RAPGEF6: variants seen among roughly 807,000 people sequenced by gnomAD.
The protein encoded by RAPGEF6 is PDZ domain containing guanine nucleotide exchange factor (GEF) 2.
In RAPGEF6, 56 loss-of-function variants were observed where a neutral mutation model predicts 171.4. That is an observed-to-expected ratio of 0.33 (90% CI 0.26 to 0.41). The LOEUF (loss-of-function observed/expected upper bound fraction) is 0.41, where lower values mean the gene tolerates loss of function less well. Among genes scored for constraint, RAPGEF6 ranks in the 10% least tolerant of loss-of-function variants. The pLI, the probability that RAPGEF6 is intolerant of heterozygous loss-of-function variation, is 1.00. For synonymous variants in RAPGEF6, 692 were observed against 650.1 expected, an observed-to-expected ratio of 1.06 and a Z score of -0.98; for missense variants, 1,674 against 1,921.4, an observed-to-expected ratio of 0.87 and a Z score of 2.41.
chr5:131,633,321 G>A (rs539011058), intron 1 of RAPGEF6, among the ~76,000 whole-genome samples: 73 of 150,968 alleles, frequency 4.8e-4, no homozygotes, highest in African/African-American at 1.7e-3. Context: ...GGCTATAGAG[G>A]GAGACTTTGT....
intron 27 of RAPGEF6, among the ~76,000 whole-genome samples, chr5:131,428,432 A>C (rs904123651): frequency 6.6e-6 from 1 of 151,788 alleles, no homozygotes; most frequent in African/African-American, 2.4e-5. Flanking sequence ...AAACAAAACC[A>C]AAACACTCCC....
At chr5:131,542,333 G>C (rs979406884) in intron 6 of RAPGEF6, among the ~76,000 whole-genome samples, 1 of 152,076 alleles carries the variant, frequency 6.6e-6, no homozygotes, top group Non-Finnish European at 1.5e-5. Context: ...ATTTTTCAGA[G>C]CACCAGACAC....
intron 11 of RAPGEF6, among the ~76,000 whole-genome samples, chr5:131,501,728 TAACAAGAGGC>T (rs1449290376): frequency 6.6e-6 from 1 of 151,972 alleles, no homozygotes; most frequent in East Asian, 1.9e-4. Context: ...ATACAGAGTA[TAACAAGAGGC>T]ATTGTTGGAG....
At chr5:131,503,254 G>GA (rs1465502666) in intron 11 of RAPGEF6, among the ~76,000 whole-genome samples, 1 of 152,126 alleles carries the variant, frequency 6.6e-6, no homozygotes, top group Non-Finnish European at 1.5e-5. Context: ...AAATCGTTCA[G>GA]AAAAAAGACT....
At chr5:131,605,651 C>A (rs1388937031) in intron 1 of RAPGEF6, among the ~76,000 whole-genome samples, 2 of 152,128 alleles carry the variant, frequency 1.3e-5, no homozygotes, top group Non-Finnish European at 2.9e-5. Flanking sequence ...AGAAAATTAT[C>A]AGATAGTAGT....
At chr5:131,436,476 A>C (rs1042550846) in intron 24 of RAPGEF6, 1 of 1,154,578 alleles carries the variant, frequency 8.7e-7, no homozygotes, top group Non-Finnish European at 1.2e-6. Flanking sequence ...CATCTTGATA[A>C]TATCTGAAAA....
chr5:131,498,696 C>A (rs1386758420), intron 11 of RAPGEF6, 89 bp from the exon 12 acceptor site: 64 of 1,171,492 alleles, frequency 5.5e-5, no homozygotes, highest in Non-Finnish European at 7.0e-5. Context: ...TTTGTAGCTA[C>A]TCCATTAGAC....
chr5:131,534,634 T>A (rs1759640449), intron 6 of RAPGEF6, among the ~76,000 whole-genome samples: 1 of 145,642 alleles, frequency 6.9e-6, no homozygotes. Flanking sequence ...TTAATTTAAA[T>A]CAATCATACG....
chr5:131,521,120 G>C (rs1758446349), intron 7 of RAPGEF6, among the ~76,000 whole-genome samples: 1 of 151,970 alleles, frequency 6.6e-6, no homozygotes, highest in Admixed American at 6.6e-5. Flanking sequence ...ACCAAAACAA[G>C]CATTAGATAT....
At chr5:131,540,086 C>T (rs747204491) in intron 6 of RAPGEF6, among the ~76,000 whole-genome samples, 32 of 152,112 alleles carry the variant, frequency 2.1e-4, no homozygotes, top group African/African-American at 6.5e-4. Context: ...TCTGTGCAGA[C>T]GCTATGCTGA....
At chr5:131,453,886 A>G (rs1224213810) in intron 20 of RAPGEF6, among the ~76,000 whole-genome samples, 1 of 152,250 alleles carries the variant, frequency 6.6e-6, no homozygotes, top group Non-Finnish European at 1.5e-5. Context: ...ACATGTCAGA[A>G]AAACATATCT....
intron 17 of RAPGEF6, among the ~76,000 whole-genome samples, chr5:131,467,517 C>G (rs1266178986): frequency 2.0e-5 from 3 of 152,334 alleles, no homozygotes; most frequent in Admixed American, 6.5e-5. Context: ...CTATTCTTTA[C>G]AAACATGTTT....
intron 13 of RAPGEF6, among the ~76,000 whole-genome samples, chr5:131,494,395 G>A (rs553678424): frequency 6.6e-6 from 1 of 152,308 alleles, no homozygotes; most frequent in South Asian, 2.1e-4. Context: ...TATCTTAGGT[G>A]CTGTACATTT....
At chr5:131,555,831 A>C (rs988158488) in intron 5 of RAPGEF6, among the ~76,000 whole-genome samples, 1 of 152,120 alleles carries the variant, frequency 6.6e-6, no homozygotes, top group South Asian at 2.1e-4. Flanking sequence ...CTTAACGATA[A>C]GGATACGTTC....
At chr5:131,450,128 A>G (rs1032081606) in intron 21 of RAPGEF6, 85 of 1,359,370 alleles carry the variant, frequency 6.3e-5, no homozygotes, top group Non-Finnish European at 8.5e-5. Context: ...GAGTCAGAGA[A>G]ACTATGCAGA....
At chr5:131,485,794 T>A (rs955837047) in intron 15 of RAPGEF6, among the ~76,000 whole-genome samples, 6 of 152,178 alleles carry the variant, frequency 3.9e-5, no homozygotes, top group African/African-American at 1.4e-4. Flanking sequence ...TATCTGGAAA[T>A]GGAACACTTA....
intron 24 of RAPGEF6, among the ~76,000 whole-genome samples, chr5:131,434,112 G>C (rs1324329329): frequency 6.6e-6 from 1 of 152,178 alleles, no homozygotes; most frequent in Non-Finnish European, 1.5e-5. Context: ...CTTGAAGTAA[G>C]GGTAGGGGTG....
chr5:131,440,026 T>C (rs1209998920), intron 23 of RAPGEF6: 1 of 407,544 alleles, frequency 2.5e-6, no homozygotes, highest in East Asian at 5.9e-5. Flanking sequence ...ACACAGTGAT[T>C]TGAAATCTTC....
intron 3 of RAPGEF6, among the ~76,000 whole-genome samples, chr5:131,601,581 C>T (rs1764261066): frequency 6.6e-6 from 1 of 152,014 alleles, no homozygotes; most frequent in Non-Finnish European, 1.5e-5. Flanking sequence ...TCATTAGTAA[C>T]AGGAAAATGT....
Sources: allele counts gnomAD v4.1 joint callset (sites outside exome capture counted in the v4.1 genomes callset), GRCh38; gene constraint gnomAD v4.1.1; transcripts MANE v1.5; gene names NCBI Gene and HGNC (gene_info 2026-07-23, HGNC 2026-07-21).